Variants in LAMC2 observed in about 807,000 individuals in gnomAD.
LAMC2 encodes laminin subunit gamma-2.
A neutral mutation model predicts 140.2 loss-of-function variants in LAMC2; 97 were observed. The ratio of observed to expected loss-of-function variants is 0.69; its 90% CI spans 0.59 to 0.82. The LOEUF is 0.82. LAMC2 is among the 40% of genes least tolerant of loss of function. LAMC2 has a pLI of 0.00. For synonymous variants in LAMC2, 513 were observed against 540.2 expected (o/e 0.95, Z 0.70); for missense variants, 1,402 against 1,476.1 (o/e 0.95, Z 0.82).
At chr1:183,221,517 A>G (rs776333444) in intron 5 of LAMC2, among the ~76,000 whole-genome samples, 11 of 152,156 alleles carry the variant, frequency 7.2e-5, no homozygotes, top group African/African-American at 2.7e-4. Context: ...TCACGAGGTC[A>G]GGAGATCGAG....
chr1:183,202,444 G>A (rs926166367), intron 1 of LAMC2, among the ~76,000 whole-genome samples: 3 of 152,096 alleles, frequency 2.0e-5, no homozygotes, highest in Admixed American at 6.6e-5. Flanking sequence ...AAAATCTACC[G>A]ATGAGGTACT....
chr1:183,213,705 T>G (rs1298721742), intron 2 of LAMC2, among the ~76,000 whole-genome samples: 2 of 121,934 alleles, frequency 1.6e-5, no homozygotes, highest in African/African-American at 6.6e-5. Flanking sequence ...GAGACTGAGG[T>G]AGGGGAATCG....
At chr1:183,238,262 C>T in intron 18 of LAMC2, 45 bp from the exon 19 acceptor site, 1 of 1,393,662 alleles carries the variant, frequency 7.2e-7, no homozygotes, top group Non-Finnish European at 1.0e-6. Flanking sequence ...ATTTTGCCAG[C>T]AGGAATGTAC....
intron 22 of LAMC2, among the ~76,000 whole-genome samples, chr1:183,241,713 T>C (rs1416799212): frequency 6.6e-6 from 1 of 152,060 alleles, no homozygotes; most frequent in Non-Finnish European, 1.5e-5. Flanking sequence ...TGTGTTGTTA[T>C]AGTCTTGGGT....
intron 14 of LAMC2, among the ~76,000 whole-genome samples, chr1:183,233,502 G>A (rs1282136211): frequency 6.6e-6 from 1 of 152,158 alleles, no homozygotes; most frequent in East Asian, 1.9e-4. Flanking sequence ...GTAAATGGAT[G>A]GGTGGGAGAT....
In LAMC2 at chr1:183,240,070, G is replaced by A; in HGVS notation, c.3100G>A (p.Val1034Met). The change falls in exon 21 of 23, where the codon GTG (valine) becomes ATG (methionine). Residue 1034 changes from valine to methionine, a missense_variant. Around this residue, in one of 3 missense-constraint regions of LAMC2, gnomAD observed 670 missense variants for 667.2 expected, o/e 1.00. Coordinates refer to ENST00000264144, the MANE Select transcript of LAMC2 (RefSeq NM_005562.3). ...TGGGAGTCTGAACTTGGAAGCCAATGTGACAGCAGATGGAGCCTTGGCCAT... is the reference window on the plus strand; with the variant it reads ...TGGGAGTCTGAACTTGGAAGCCAATATGACAGCAGATGGAGCCTTGGCCAT... Reference protein sequence around the residue: ...EIGSLNLEANVTADGALAMEK... With the variant: ...EIGSLNLEANMTADGALAMEK... 5.0e-6 allele frequency: 8 copies of A among 1,614,150 alleles called. No homozygotes were observed. The highest frequency in any genetic ancestry group is 1.1e-5 in the South Asian group (1 of 91,084).
intron 17 of LAMC2, 43 bp downstream of exon 17, chr1:183,236,647 T>A (rs770954270): frequency 1.2e-6 from 2 of 1,606,786 alleles, no homozygotes; most frequent in African/African-American, 1.3e-5. Flanking sequence ...AGGAGGGCCA[T>A]AAATACTTTC....
rs1285954715 is a variant in LAMC2, at chr1:183,225,665, A to C, written c.1011A>C (p.Arg337=). ...CCCAGCTGAGTTACTTTGAGTATCG[A>C]AGGTTACTGCGGAATCTCACAGCCC... ...WSPQLSYFEY[R]RLLRNLTALR... is the part of the protein sequence containing the mutation. The change falls in exon 8 of 23, where the codon CGA becomes CGC. Residue 337 remains arginine (R), a synonymous_variant. Transcript: ENST00000264144. 4.3e-6 allele frequency: 7 copies of C among 1,614,012 alleles called. No homozygotes were observed. The African/African-American group carries it at 9.3e-5, about 22-fold the overall frequency.
In LAMC2 at chr1:183,220,896, A is replaced by C; in HGVS notation, c.575A>C (p.His192Pro). Residue 192 changes from histidine (H) to proline (P), a missense_variant, in exon 5 of 23, where the codon CAT (histidine) becomes CCT (proline). Physicochemically the swap from His to Pro is moderately conservative, Grantham distance 77 (BLOSUM62 -2). Transcript: ENST00000264144. The part of the protein sequence containing the change: ...EGCTQCFCYG[H>P]SASCRSSAEY... ...TGTACCCAGTGTTTCTGCTATGGGC[A>C]TTCAGCCAGCTGCCGCAGCTCTGCA... 6.2e-7 allele frequency: 1 copy of C among 1,614,060 alleles called. No homozygotes were observed. The highest frequency in any genetic ancestry group is 1.1e-5 in the South Asian group (1 of 91,078).
In LAMC2 at chr1:183,186,400, G is replaced by T. The variant is rs751052489; in HGVS notation, c.48G>T (p.Leu16=). ...GCTGCCTCTGCTTCTCGCTCCTCCTGCCCGCAGCCCGGGCCACCTCCAGGA... is the reference window on the plus strand; with the variant it reads ...GCTGCCTCTGCTTCTCGCTCCTCCTTCCCGCAGCCCGGGCCACCTCCAGGA... ...LGCCLCFSLL[L]PAARATSRRE... The change falls in exon 1 of 23, where the codon CTG becomes CTT. Residue 16 remains leucine, a synonymous_variant. Coordinates refer to ENST00000264144, the MANE Select transcript of LAMC2 (RefSeq NM_005562.3). The T allele has an allele frequency of 6.2e-6, 10 of 1,605,472 alleles. No individual in the cohort carries two copies. In the Admixed American group the frequency reaches 1.5e-4, roughly 24 times the overall value.
chr1:183,199,897 A>T (rs473789), intron 1 of LAMC2, among the ~76,000 whole-genome samples: 48,686 of 152,124 alleles, frequency 0.32, 8,214 homozygotes, highest in Middle Eastern at 0.41. Context: ...AGATCTGTGC[A>T]TTGGAGCCCA....
chr1:183,191,365 A>T (rs1347341783), intron 1 of LAMC2, among the ~76,000 whole-genome samples: 1 of 152,198 alleles, frequency 6.6e-6, no homozygotes, highest in African/African-American at 2.4e-5. Flanking sequence ...TGGCCCAAGA[A>T]GCTGAGAAAG....
At position 183,223,273 on chromosome 1, in the gene LAMC2, T is replaced by G. The variant is rs746511640; in HGVS notation, c.902T>G (p.Met301Arg). Reference protein sequence around the residue: ...GAGLRITAPLMPLGKTLPCGL... With the variant: ...GAGLRITAPLRPLGKTLPCGL... The stretch of plus-strand genomic sequence containing the variant: ...GGTCTACGGATCACAGCTCCCTTGA[T>G]GCCACTTGGCAAGACACTGCCTTGT... Residue 301 changes from methionine (M) to arginine (R), a missense_variant, in exon 7 of 23, where the codon ATG (methionine) becomes AGG (arginine). Coordinates refer to ENST00000264144, the MANE Select transcript of LAMC2 (RefSeq NM_005562.3). 1.2e-6 allele frequency: 2 copies of G among 1,614,244 alleles called. No individual in the cohort carries two copies. Among genetic ancestry groups the G allele is most frequent in the Non-Finnish European group, 1.7e-6 (2 of 1,180,050 alleles).
chr1:183,239,837 T>C, intron 20 of LAMC2: 1 of 680,020 alleles, frequency 1.5e-6, no homozygotes, highest in South Asian at 1.8e-5. Context: ...CCGCTGACCT[T>C]CCTAGTCATA....
intron 3 of LAMC2, 91 bp from the exon 4 acceptor site, chr1:183,218,299 G>A (rs1392637923): frequency 6.8e-6 from 7 of 1,033,446 alleles, no homozygotes; most frequent in Non-Finnish European, 9.1e-6. Context: ...GCCCAGCTTC[G>A]TGATGTTTGC....
intron 3 of LAMC2, among the ~76,000 whole-genome samples, chr1:183,217,757 T>A (rs1170310405): frequency 2.0e-5 from 3 of 152,200 alleles, no homozygotes; most frequent in African/African-American, 7.2e-5. Flanking sequence ...GGAAGAGATG[T>A]GGCAGGGTGG....
Position 183,226,737 on chromosome 1 carries a change from G to T in LAMC2, c.1106G>T (p.Arg369Leu). 1.2e-6 allele frequency: 2 copies of T among 1,614,206 alleles called. No individual in the cohort carries two copies. Among genetic ancestry groups the T allele is most frequent in the Non-Finnish European group, 1.7e-6 (2 of 1,180,030 alleles). The part of the protein sequence containing the change: ...YIDNVTLISA[R>L]PVSGAPAPWV... ...GACAATGTGACCCTGATTTCAGCCC[G>T]CCCTGTCTCTGGAGCCCCAGCACCC... The change falls in exon 9 of 23, where the codon CGC (arginine) becomes CTC (leucine). Residue 369 changes from arginine (R) to leucine (L), a missense_variant. Arg to Leu is a moderately radical substitution (Grantham distance 102). Around this residue, in one of 3 missense-constraint regions of LAMC2, gnomAD observed 723 missense variants for 783.3 expected, o/e 0.92. Coordinates refer to ENST00000264144, the MANE Select transcript of LAMC2 (RefSeq NM_005562.3).
intron 1 of LAMC2, among the ~76,000 whole-genome samples, chr1:183,195,563 T>G (rs1346738709): frequency 1.3e-5 from 2 of 152,208 alleles, no homozygotes; most frequent in Non-Finnish European, 2.9e-5. Context: ...ACTGGTGCCG[T>G]GCCCTTTATT....
At chr1:183,204,913 C>T (rs909216872) in intron 1 of LAMC2, among the ~76,000 whole-genome samples, 1 of 152,082 alleles carries the variant, frequency 6.6e-6, no homozygotes, top group African/African-American at 2.4e-5. Context: ...ACCTCCTCCT[C>T]CCAGGTTCAA....
Sources: allele counts gnomAD v4.1 joint callset (sites outside exome capture counted in the v4.1 genomes callset), GRCh38; gene constraint gnomAD v4.1.1; regional missense constraint gnomAD v4.1.1; transcripts MANE v1.5; gene names NCBI Gene and HGNC (gene_info 2026-07-23, HGNC 2026-07-21).